PARD3B: variants seen among roughly 807,000 people sequenced by gnomAD.
PARD3B encodes the protein par-3 family cell polarity regulator beta.
In PARD3B, 103 loss-of-function variants were observed where a neutral mutation model predicts 130.2. The ratio of observed to expected loss-of-function variants is 0.79; its 90% CI spans 0.67 to 0.93. The LOEUF (loss-of-function observed/expected upper bound fraction) is 0.93, where lower values mean the gene tolerates loss of function less well. PARD3B is among the 40% of genes least tolerant of loss of function. The probability of loss-of-function intolerance (pLI) is 0.00; values close to 1 mark genes in which losing one functional copy is unlikely to be tolerated. For missense variants in PARD3B, 1,609 were observed against 1,499.2 expected, an observed-to-expected ratio of 1.07 and a Z score of -1.21; for synonymous variants, 583 against 553.2, an observed-to-expected ratio of 1.05 and a Z score of -0.76.
chr2:205,027,619 A>G (rs777507315), intron 3 of PARD3B, among the ~76,000 whole-genome samples: 8 of 151,852 alleles, frequency 5.3e-5, no homozygotes, highest in Non-Finnish European at 1.0e-4. Flanking sequence ...TTTTAGTGTC[A>G]TATCCAAATA....
In PARD3B at chr2:204,943,114, CT is replaced by C. The variant is rs546598711; in HGVS notation, c.223-22037del. 2.3e-3 allele frequency among the ~76,000 whole-genome samples: 342 copies of C among 146,302 alleles called. 2 individuals carry two copies. The highest frequency in any genetic ancestry group is 8.8e-3 in the African/African-American group (318 of 36,088). ...AATACACCTCTTTTTAAAATTACCCCTGACTTAAGAAAGAAGTTTTTCACAT... is the reference window on the plus strand; with the variant it reads ...AATACACCTCTTTTTAAAATTACCCCGACTTAAGAAAGAAGTTTTTCACAT... On this transcript the variant is annotated intron_variant, in intron 2 of 22. Coordinates refer to ENST00000406610, the MANE Select transcript of PARD3B (RefSeq NM_001302769.2). This position sits in a 1 kb window ranked among gnomAD's most constrained non-coding sequence, Gnocchi z 4.2.
intron 20 of PARD3B, among the ~76,000 whole-genome samples, chr2:205,493,565 A>G (rs1182683717): frequency 6.6e-6 from 1 of 152,072 alleles, no homozygotes; most frequent in African/African-American, 2.4e-5. Flanking sequence ...GTAAAACACT[A>G]AACTCAAAAA....
chr2:205,400,946 A>G, intron 18 of PARD3B, 67 bp from the exon 19 acceptor site: 4 of 1,157,672 alleles, frequency 3.5e-6, no homozygotes, highest in Non-Finnish European at 3.8e-6. Flanking sequence ...CATCCCATAA[A>G]TATCTTAGCT....
rs563433156 is a variant in PARD3B at position 204,830,224 on chromosome 2, G to T, written c.223-134928G>T. Among the ~76,000 whole-genome samples, 2 of 152,126 alleles carry T rather than the reference G, an allele frequency of 1.3e-5. 1 individual carries two copies. Among genetic ancestry groups the T allele is most frequent in the South Asian group, 4.2e-4 (2 of 4,810 alleles). On this transcript the variant is annotated intron_variant, in intron 2 of 22. Transcript: ENST00000406610. ...TCTCAGTAGTTCTTTATAGCAATGT[G>T]AGAATGCACTAATACATAGGATAAC...
intron 18 of PARD3B, among the ~76,000 whole-genome samples, chr2:205,331,265 C>CCACACACACACACACA (rs56170026): frequency 1.2e-3 from 185 of 148,720 alleles, no homozygotes; most frequent in African/African-American, 4.3e-3. Context: ...CACATATATT[C>CCACACACACACACACA]CACACACACA....
chr2:205,231,309 A>G (rs1029179072), intron 15 of PARD3B, among the ~76,000 whole-genome samples: 9 of 151,272 alleles, frequency 5.9e-5, no homozygotes, highest in Admixed American at 3.3e-4. Flanking sequence ...AAGATGTTTC[A>G]TATGTTAAGT....
chr2:205,379,813 T>C (rs1225475459), intron 18 of PARD3B, among the ~76,000 whole-genome samples: 1 of 152,058 alleles, frequency 6.6e-6, no homozygotes, highest in East Asian at 1.9e-4. Flanking sequence ...CTCACACTTA[T>C]AATCCCAGCA....
chr2:205,035,306 C>T (rs1032834040), intron 3 of PARD3B, among the ~76,000 whole-genome samples: 1 of 152,158 alleles, frequency 6.6e-6, no homozygotes, highest in Non-Finnish European at 1.5e-5. Flanking sequence ...AAGGGCTTCA[C>T]ACATACATAC....
At chr2:204,559,669 C>T (rs1186814446) in intron 1 of PARD3B, among the ~76,000 whole-genome samples, 1 of 152,160 alleles carries the variant, frequency 6.6e-6, no homozygotes, top group Non-Finnish European at 1.5e-5. Flanking sequence ...ATCATTTGAC[C>T]CAGCAGTCCC....
intron 16 of PARD3B, among the ~76,000 whole-genome samples, chr2:205,275,338 A>G (rs2040896417): frequency 6.6e-6 from 1 of 152,208 alleles, no homozygotes; most frequent in Non-Finnish European, 1.5e-5. Context: ...GCACATTCTT[A>G]TGAGGTCATG....
At chr2:205,022,745 A>G (rs1696713026) in intron 3 of PARD3B, among the ~76,000 whole-genome samples, 1 of 152,188 alleles carries the variant, frequency 6.6e-6, no homozygotes, top group Non-Finnish European at 1.5e-5. Context: ...TAATACGATC[A>G]TTCATTAAGT....
intron 2 of PARD3B, among the ~76,000 whole-genome samples, chr2:204,736,296 G>A (rs77059291): frequency 0.028 from 4,253 of 151,996 alleles, 184 homozygotes; most frequent in African/African-American, 0.097. Flanking sequence ...CATTTCCATA[G>A]CATTTGGGGT....
At chr2:204,608,961 A>G (rs1267883549) in intron 1 of PARD3B, among the ~76,000 whole-genome samples, 1 of 152,182 alleles carries the variant, frequency 6.6e-6, no homozygotes, top group Non-Finnish European at 1.5e-5. Flanking sequence ...AAATAATTCC[A>G]GTTGTATAAT....
chr2:205,333,003 G>A (rs1313550009), intron 18 of PARD3B, among the ~76,000 whole-genome samples: 2 of 152,120 alleles, frequency 1.3e-5, no homozygotes, highest in African/African-American at 4.8e-5. Context: ...TTAATGAGTA[G>A]TAAACAGATT....
intron 1 of PARD3B, among the ~76,000 whole-genome samples, chr2:204,683,201 A>G (rs1397758407): frequency 7.9e-5 from 12 of 152,214 alleles, no homozygotes; most frequent in Admixed American, 7.9e-4. Context: ...AGTATAAGTA[A>G]TAAGACATTG....
chr2:205,499,116 A>G (rs1295951464), intron 20 of PARD3B, among the ~76,000 whole-genome samples: 1 of 152,136 alleles, frequency 6.6e-6, no homozygotes, highest in Non-Finnish European at 1.5e-5. Flanking sequence ...CTAGCCCTGT[A>G]TAATATCATG....
At chr2:204,811,726 A>T (rs1180637843) in intron 2 of PARD3B, among the ~76,000 whole-genome samples, 1 of 152,116 alleles carries the variant, frequency 6.6e-6, no homozygotes, top group Admixed American at 6.6e-5. Context: ...GTTAACTCCT[A>T]TATCCTCTTT....
At chr2:205,476,552 A>G (rs139885688) in intron 20 of PARD3B, among the ~76,000 whole-genome samples, 422 of 152,156 alleles carry the variant, frequency 2.8e-3, no homozygotes, top group Admixed American at 4.4e-3. Flanking sequence ...AACATGTTTT[A>G]TATGCATAGC....
intron 4 of PARD3B, among the ~76,000 whole-genome samples, chr2:205,089,256 C>T (rs899174615): frequency 2.7e-5 from 4 of 150,810 alleles, no homozygotes; most frequent in Admixed American, 1.3e-4. Context: ...CTGCGACCTC[C>T]GCCTCCAGAG....
Sources: gnomAD v4.1 joint callset for allele counts (sites outside exome capture counted in the v4.1 genomes callset) on GRCh38, gnomAD v4.1.1 for gene constraint, Gnocchi (gnomAD v3.1) non-coding constraint, MANE v1.5 for transcripts, NCBI Gene and HGNC (gene_info 2026-07-23, HGNC 2026-07-21) for gene names.